NWD2: variants seen among roughly 807,000 people sequenced by gnomAD.
NWD2 encodes NACHT and WD repeat domain containing 2.
NWD2 carries 37 observed loss-of-function variants against 132.7 expected under a neutral mutation model. That is an observed-to-expected ratio of 0.28 (90% CI 0.21 to 0.37). The LOEUF is 0.37. Ranked by LOEUF, NWD2 falls within the 10% of genes least tolerant of loss-of-function variation. The pLI is 1.00. For missense variants in NWD2, 1,592 were observed against 2,122.4 expected (o/e 0.75, Z 4.91); for synonymous variants, 705 against 803.0 (o/e 0.88, Z 2.06).
chr4:37,308,998 G>C (rs1718773479), intron 1 of NWD2, among the ~76,000 whole-genome samples: 1 of 152,224 alleles, frequency 6.6e-6, no homozygotes, highest in African/African-American at 2.4e-5. Context: ...AGATAAGACA[G>C]TCCTCAGGCC....
chr4:37,433,762 C>T (rs1712239482), intron 4 of NWD2, 114 bp from the exon 5 acceptor site: 1 of 706,526 alleles, frequency 1.4e-6, no homozygotes, highest in African/African-American at 1.8e-5. Context: ...TGTAAAGCAC[C>T]TATCATAGTA....
At chr4:37,382,632 A>G (rs1426596301) in intron 3 of NWD2, among the ~76,000 whole-genome samples, 1 of 152,084 alleles carries the variant, frequency 6.6e-6, no homozygotes, top group Non-Finnish European at 1.5e-5. Flanking sequence ...TTTTCACTGA[A>G]TCAACAAATT....
intron 3 of NWD2, among the ~76,000 whole-genome samples, chr4:37,417,194 A>G (rs1276429227): frequency 6.6e-6 from 1 of 152,172 alleles, no homozygotes; most frequent in Non-Finnish European, 1.5e-5. Context: ...GATCATTAGT[A>G]TGGTAATATT....
rs6531530 is a variant in NWD2, at chr4:37,363,831, A to T, written c.357+7349A>T. On this transcript the variant is annotated intron_variant, in intron 3 of 6. Transcript: ENST00000309447. The stretch of plus-strand genomic sequence containing the variant: ...AAAATAAAAGTTGAAATTATATATA[A>T]AAAAGCAGACGGCCGGGCGCAGTGG... 4.8e-3 allele frequency among the ~76,000 whole-genome samples: 737 copies of T among 152,250 alleles called. 9 individuals are homozygous for T. The highest frequency in any genetic ancestry group is 0.017 in the African/African-American group (687 of 41,538).
At position 37,310,226 on chromosome 4, in the gene NWD2, C is replaced by T. The variant is rs537366981; in HGVS notation, c.152-15710C>T. 2.6e-5 allele frequency among the ~76,000 whole-genome samples: 4 copies of T among 152,334 alleles called. No homozygotes were observed. In the South Asian group the frequency reaches 6.2e-4, roughly 24 times the overall value. ...TTATTTTCCAAGATTTCTGCTTTCA[C>T]TGTGCCTTTGGCCTGTCTGTGTGTT... On this transcript the variant is annotated intron_variant, in intron 1 of 6. Transcript: ENST00000309447.
intron 2 of NWD2, among the ~76,000 whole-genome samples, chr4:37,351,385 A>G (rs1045895440): frequency 1.3e-5 from 2 of 152,202 alleles, no homozygotes; most frequent in African/African-American, 4.8e-5. Flanking sequence ...GAGGGATTCA[A>G]CTTCTTCCTG....
At chr4:37,430,471 G>A (rs972472186) in intron 3 of NWD2, 101 bp from the exon 4 acceptor site, 6 of 821,170 alleles carry the variant, frequency 7.3e-6, no homozygotes, top group East Asian at 2.7e-5. Context: ...AATGTATCTT[G>A]TTATCTATTG....
At chr4:37,415,688 T>G (rs1262743415) in intron 3 of NWD2, among the ~76,000 whole-genome samples, 2 of 125,546 alleles carry the variant, frequency 1.6e-5, no homozygotes, top group South Asian at 2.5e-4. Context: ...TGGGCAACAG[T>G]GCAAGACTCC....
At chr4:37,425,377 G>C (rs1711972420) in intron 3 of NWD2, among the ~76,000 whole-genome samples, 1 of 152,146 alleles carries the variant, frequency 6.6e-6, no homozygotes. Flanking sequence ...ATATTTGAGT[G>C]TTGTATTGTT....
rs748498514 is a variant in NWD2 at position 37,448,618 on chromosome 4, C to T, written c.*1401C>T. 3.3e-5 allele frequency: 5 copies of T among 152,058 alleles called. No homozygotes were observed. The highest frequency in any genetic ancestry group is 7.4e-5 in the Non-Finnish European group (5 of 68,006). 9.4% of individuals were successfully genotyped at this position (152,058 alleles called of 1,614,324 possible). A position where few individuals can be genotyped will look rare whatever the true frequency, so the allele number is the denominator to read the frequency against. ...CACACTTTTGGTTGAGTTTAGTTTT[C>T]TTAGAAAGTAGAGAAGTAACACTTT... is the stretch of plus-strand genomic sequence containing the variant. On this transcript the variant is annotated 3_prime_UTR_variant, in exon 7 of 7. Coordinates refer to ENST00000309447, the MANE Select transcript of NWD2 (RefSeq NM_001144990.2).
chr4:37,280,971 G>A (rs1175501326), intron 1 of NWD2, among the ~76,000 whole-genome samples: 2 of 151,970 alleles, frequency 1.3e-5, no homozygotes, highest in Non-Finnish European at 2.9e-5. Flanking sequence ...GGAGGAGTAG[G>A]AAACCCATTG....
chr4:37,249,763 G>A (rs1168740241), intron 1 of NWD2, among the ~76,000 whole-genome samples: 1 of 152,196 alleles, frequency 6.6e-6, no homozygotes, highest in Non-Finnish European at 1.5e-5. Flanking sequence ...TGAGAGTCAT[G>A]AACTCTTGTC....
chr4:37,315,435 T>A (rs1259849605), intron 1 of NWD2, among the ~76,000 whole-genome samples: 2 of 152,150 alleles, frequency 1.3e-5, no homozygotes, highest in African/African-American at 4.8e-5. Context: ...CCGTTATATA[T>A]TTTAGGGTAC....
At chr4:37,281,684 C>T (rs1196093975) in intron 1 of NWD2, among the ~76,000 whole-genome samples, 1 of 152,022 alleles carries the variant, frequency 6.6e-6, no homozygotes, top group African/African-American at 2.4e-5. Context: ...CAAGGTCACA[C>T]CATAAGTAAG....
At chr4:37,315,963 C>G (rs1469605164) in intron 1 of NWD2, among the ~76,000 whole-genome samples, 1 of 151,862 alleles carries the variant, frequency 6.6e-6, no homozygotes, top group African/African-American at 2.4e-5. Flanking sequence ...TTTTTCTTCT[C>G]TCTCCTTTGT....
intron 2 of NWD2, among the ~76,000 whole-genome samples, chr4:37,349,008 G>A (rs13127739): frequency 6.6e-6 from 1 of 151,892 alleles, no homozygotes; most frequent in African/African-American, 2.4e-5. Context: ...CAGAGGACAT[G>A]AACTCATCCT....
chr4:37,408,487 C>T (rs1721089046), intron 3 of NWD2, among the ~76,000 whole-genome samples: 1 of 152,216 alleles, frequency 6.6e-6, no homozygotes, highest in African/African-American at 2.4e-5. Context: ...GATTTTTCTT[C>T]TCTGGGCAGG....
chr4:37,289,599 A>T (rs546831518), intron 1 of NWD2, among the ~76,000 whole-genome samples: 1 of 152,324 alleles, frequency 6.6e-6, no homozygotes, highest in Admixed American at 6.5e-5. Flanking sequence ...TTTAGCATGC[A>T]TATCATTAAA....
At chr4:37,402,600 A>G (rs1016669256) in intron 3 of NWD2, among the ~76,000 whole-genome samples, 5 of 152,162 alleles carry the variant, frequency 3.3e-5, no homozygotes, top group Admixed American at 1.3e-4. Context: ...ATTTTTATCT[A>G]TTGGTGAATT....
Sources: gnomAD v4.1 joint callset for allele counts (sites outside exome capture counted in the v4.1 genomes callset) on GRCh38, gnomAD v4.1.1 for gene constraint, MANE v1.5 for transcripts, NCBI Gene and HGNC (gene_info 2026-07-23, HGNC 2026-07-21) for gene names.